Variants in PIWIL1 observed in about 807,000 individuals in gnomAD.
PIWIL1 encodes the protein piwi-like protein 1.
A neutral mutation model predicts 114.4 loss-of-function variants in PIWIL1; 73 were observed. The observed-to-expected ratio is 0.64, with a 90% CI of 0.53 to 0.78. PIWIL1 has a LOEUF of 0.78. PIWIL1 is among the 30% of genes least tolerant of loss of function. PIWIL1 has a pLI of 0.00. For synonymous variants in PIWIL1, 375 were observed against 369.0 expected, an observed-to-expected ratio of 1.02 and a Z score of -0.19; for missense variants, 723 against 1,063.1, an observed-to-expected ratio of 0.68 and a Z score of 4.45.
the PIWIL1 span, among the ~76,000 whole-genome samples, chr12:130,379,310 G>A: frequency 6.6e-6 from 1 of 152,294 alleles, no homozygotes; most frequent in East Asian, 1.9e-4. Flanking sequence ...TAAAAGAATT[G>A]TACAAATTTT....
chr12:130,404,514 G>A, the PIWIL1 span, among the ~76,000 whole-genome samples: 1 of 152,148 alleles, frequency 6.6e-6, no homozygotes, highest in African/African-American at 2.4e-5. Context: ...TGGCCAGGCT[G>A]ATATCGAATG....
chr12:130,349,755 G>A lies in PIWIL1; in HGVS notation c.933-101G>A, dbSNP rs190314705. The A allele has an allele frequency of 1.1e-4, 74 of 697,938 alleles. 1 individual carries two copies. The African/African-American group carries it at 1.1e-3, about 10-fold the overall frequency. The allele number at this position is 697,938 out of a possible 1,614,324, so 43.2% of individuals were successfully genotyped here. On this transcript the variant is annotated intron_variant, in intron 8 of 20. Transcript: ENST00000245255. ...TTTTTCCAACCTTGTATATAACCAG[G>A]TGATTTGAAATTTTAGAGAATACAT...
At chr12:130,418,634 G>A in the PIWIL1 span, among the ~76,000 whole-genome samples, 1 of 152,208 alleles carries the variant, frequency 6.6e-6, no homozygotes, top group African/African-American at 2.4e-5. Context: ...CTGAGTTTAT[G>A]TGGCAAGTTT....
At chr12:130,394,559 G>C in the PIWIL1 span, among the ~76,000 whole-genome samples, 5 of 151,944 alleles carry the variant, frequency 3.3e-5, no homozygotes, top group South Asian at 2.1e-4. Flanking sequence ...GCTTTATTTA[G>C]CAGAACTTTT....
intron 19 of PIWIL1, among the ~76,000 whole-genome samples, chr12:130,370,534 G>T (rs1455206651): frequency 6.6e-6 from 1 of 152,150 alleles, no homozygotes; most frequent in Non-Finnish European, 1.5e-5. Flanking sequence ...AGGGACCTGG[G>T]CATCCGAGGA....
chr12:130,391,627 G>C, the PIWIL1 span, among the ~76,000 whole-genome samples: 1 of 152,232 alleles, frequency 6.6e-6, no homozygotes, highest in East Asian at 1.9e-4. Flanking sequence ...TGTGAAGTGC[G>C]GAATGGTCAC....
the PIWIL1 span, among the ~76,000 whole-genome samples, chr12:130,387,882 A>C: frequency 6.6e-6 from 1 of 152,180 alleles, no homozygotes; most frequent in Admixed American, 6.5e-5. Context: ...CCTTGTCCAA[A>C]TTTGCCAGTT....
At chr12:130,376,338 T>C (rs1372700308), downstream of PIWIL1, among the ~76,000 whole-genome samples, 1 of 152,260 alleles carries the variant, frequency 6.6e-6, no homozygotes, top group African/African-American at 2.4e-5. Context: ...AGAATGATAC[T>C]GTCAGCACAT....
the PIWIL1 span, chr12:130,398,888 A>G: frequency 4.4e-5 from 12 of 274,004 alleles, no homozygotes; most frequent in Non-Finnish European, 7.4e-5. Context: ...TAATGCAAAT[A>G]GTAGGAAATG....
At chr12:130,368,193 A>T (rs899304541) in intron 19 of PIWIL1, among the ~76,000 whole-genome samples, 1 of 152,182 alleles carries the variant, frequency 6.6e-6, no homozygotes, top group Non-Finnish European at 1.5e-5. Flanking sequence ...CCCATCAGTC[A>T]TTCTAAGTTG....
intron 15 of PIWIL1, 22 bp downstream of exon 15, chr12:130,361,402 G>C: frequency 6.2e-7 from 1 of 1,612,908 alleles, no homozygotes; most frequent in Non-Finnish European, 8.5e-7. Flanking sequence ...TTAATTGGTA[G>C]ATGCCGTTTT....
At chr12:130,415,061 A>G in the PIWIL1 span, among the ~76,000 whole-genome samples, 1 of 152,304 alleles carries the variant, frequency 6.6e-6, no homozygotes, top group African/African-American at 2.4e-5. Context: ...TATGAAGCCA[A>G]CATCACCCTG....
At chr12:130,341,123 A>G (rs1473497289) in intron 1 of PIWIL1, among the ~76,000 whole-genome samples, 2 of 152,202 alleles carry the variant, frequency 1.3e-5, no homozygotes, top group Admixed American at 1.3e-4. Flanking sequence ...GCCTGCCCCT[A>G]TGTAGAACCT....
the PIWIL1 span, among the ~76,000 whole-genome samples, chr12:130,389,754 C>G: frequency 3.3e-5 from 5 of 152,130 alleles, no homozygotes; most frequent in Admixed American, 3.3e-4. Context: ...GGCTTCTACT[C>G]TTTATCTCTT....
Position 130,361,194 on chromosome 12 carries a change from G to T in PIWIL1, c.1680G>T (p.Leu560Phe). Reference protein sequence around the residue: ...TADTQIVVCLLSSNRKDKYDA... With the variant: ...TADTQIVVCLFSSNRKDKYDA... ...TTTGTTTTCAGGTTGTCTGTCTGTT[G>T]TCAAGTAATCGGAAGGACAAATACG... The change falls in exon 15 of 21, where the codon TTG becomes TTT. Residue 560 changes from leucine (L) to phenylalanine (F), a missense_variant. Physicochemically the swap from Leu to Phe is conservative, Grantham distance 22. Coordinates refer to ENST00000245255, the MANE Select transcript of PIWIL1 (RefSeq NM_004764.5). The T allele has an allele frequency of 6.2e-7, 1 of 1,614,166 alleles. No individual in the cohort carries two copies. The highest frequency in any genetic ancestry group is 8.5e-7 in the Non-Finnish European group (1 of 1,180,020).
rs770179091 is a variant in PIWIL1 at position 130,345,734 on chromosome 12, T to G, written c.191-19T>G. 1 of 1,613,432 alleles carries G rather than the reference T, an allele frequency of 6.2e-7. No homozygotes were observed. Among genetic ancestry groups the G allele is most frequent in the South Asian group, 1.1e-5 (1 of 90,950 alleles). ...TATTTCGTGCTTTATGTTGCTCAAG[T>G]ACACAATTTTTTTTTAAGGACTCCA... On this transcript the variant is annotated intron_variant, in intron 3 of 20. Coordinates refer to ENST00000245255, the MANE Select transcript of PIWIL1 (RefSeq NM_004764.5).
At chr12:130,414,987 G>A in the PIWIL1 span, among the ~76,000 whole-genome samples, 1 of 152,086 alleles carries the variant, frequency 6.6e-6, no homozygotes, top group Non-Finnish European at 1.5e-5. Flanking sequence ...AAGAAGAGCT[G>A]GTACCAATTC....
At chr12:130,416,282 A>C in the PIWIL1 span, among the ~76,000 whole-genome samples, 25 of 152,336 alleles carry the variant, frequency 1.6e-4, no homozygotes, top group Middle Eastern at 3.4e-3. Context: ...TCTTAAGCAA[A>C]AGGAACAAAT....
At chr12:130,374,685 C>G (rs1012645011), downstream of PIWIL1, among the ~76,000 whole-genome samples, 2 of 152,204 alleles carry the variant, frequency 1.3e-5, no homozygotes, top group African/African-American at 4.8e-5. Context: ...CCTTCCCACT[C>G]TCATGCCTGG....
Sources: gnomAD v4.1 joint callset for allele counts (sites outside exome capture counted in the v4.1 genomes callset) on GRCh38, gnomAD v4.1.1 for gene constraint, MANE v1.5 for transcripts, NCBI Gene and HGNC (gene_info 2026-07-23, HGNC 2026-07-21) for gene names.